Variants in QTMAN observed in about 807,000 individuals in gnomAD.
QTMAN encodes the protein tRNA-queuosine alpha-mannosyltransferase.
chr2:144,021,760 G>T, the QTMAN span, among the ~76,000 whole-genome samples: 1 of 152,176 alleles, frequency 6.6e-6, no homozygotes, highest in Non-Finnish European at 1.5e-5. Context: ...AGAACACAAT[G>T]AGGCTCAGCA....
chr2:144,308,974 A>G, the QTMAN span, among the ~76,000 whole-genome samples: 1 of 152,218 alleles, frequency 6.6e-6, no homozygotes. Context: ...TTCATCAGCT[A>G]TTTCACAAAA....
chr2:144,191,482 G>T, the QTMAN span, among the ~76,000 whole-genome samples: 2 of 152,026 alleles, frequency 1.3e-5, no homozygotes, highest in East Asian at 3.8e-4. Context: ...TTAGAAAATC[G>T]CCTATCATTG....
the QTMAN span, among the ~76,000 whole-genome samples, chr2:144,269,304 C>T: frequency 1.3e-5 from 2 of 152,104 alleles, no homozygotes; most frequent in Non-Finnish European, 2.9e-5. Context: ...GAGTAAAACT[C>T]CCCCAAGAAT....
At chr2:144,305,387 C>T in the QTMAN span, among the ~76,000 whole-genome samples, 1 of 152,172 alleles carries the variant, frequency 6.6e-6, no homozygotes, top group African/African-American at 2.4e-5. Context: ...TGTCATGACA[C>T]CCTTTAAAAA....
the QTMAN span, among the ~76,000 whole-genome samples, chr2:144,019,487 T>TGTGTGTGTGTGTGTGTG: frequency 6.7e-6 from 1 of 148,924 alleles, no homozygotes; most frequent in African/African-American, 2.5e-5. Context: ...TGTGTGTATG[T>TGTGTGTGTGTGTGTGTG]AGTTTTAGAC....
At chr2:144,160,643 A>G in the QTMAN span, among the ~76,000 whole-genome samples, 6 of 152,280 alleles carry the variant, frequency 3.9e-5, no homozygotes, top group Non-Finnish European at 7.4e-5. Flanking sequence ...TGATCATTCA[A>G]TACCTCAGTA....
the QTMAN span, among the ~76,000 whole-genome samples, chr2:144,246,062 T>C: frequency 6.6e-6 from 1 of 152,132 alleles, no homozygotes; most frequent in Non-Finnish European, 1.5e-5. Context: ...GACCTAATTA[T>C]GTCACTTCCT....
At chr2:144,037,211 T>C in the QTMAN span, among the ~76,000 whole-genome samples, 2 of 152,174 alleles carry the variant, frequency 1.3e-5, no homozygotes, top group African/African-American at 2.4e-5. Context: ...TAGAACTAAA[T>C]AGAAATAGTG....
At chr2:144,176,915 C>G in the QTMAN span, among the ~76,000 whole-genome samples, 1 of 152,110 alleles carries the variant, frequency 6.6e-6, no homozygotes, top group African/African-American at 2.4e-5. Context: ...ACAGGCTATA[C>G]AGGAAGCATG....
the QTMAN span, among the ~76,000 whole-genome samples, chr2:144,126,678 C>T: frequency 3.3e-5 from 5 of 151,932 alleles, no homozygotes; most frequent in Non-Finnish European, 7.4e-5. Flanking sequence ...TGAGGACCAG[C>T]TGTATGTTGT....
the QTMAN span, among the ~76,000 whole-genome samples, chr2:144,301,420 G>A: frequency 9.9e-5 from 15 of 152,152 alleles, no homozygotes; most frequent in East Asian, 7.7e-4. Context: ...ACAGAGTTTC[G>A]CCTAGTTGGC....
the QTMAN span, among the ~76,000 whole-genome samples, chr2:144,242,192 A>AT: frequency 6.6e-6 from 1 of 152,210 alleles, no homozygotes; most frequent in Non-Finnish European, 1.5e-5. Context: ...TTAGTACAGT[A>AT]AAAGTATAAA....
At chr2:144,178,901 C>A in the QTMAN span, 1 of 453,712 alleles carries the variant, frequency 2.2e-6, no homozygotes, top group East Asian at 7.4e-5. Flanking sequence ...CTGCTTCATA[C>A]CAAAAGGTTA....
At chr2:144,020,960 T>C in the QTMAN span, among the ~76,000 whole-genome samples, 4 of 140,746 alleles carry the variant, frequency 2.8e-5, no homozygotes, top group Middle Eastern at 7.7e-3. Flanking sequence ...GTGGAGAAAA[T>C]CTTGTAGAAA....
chr2:144,177,076 G>A, the QTMAN span: 3 of 558,974 alleles, frequency 5.4e-6, no homozygotes, highest in African/African-American at 5.1e-5. Flanking sequence ...TCTATCACAA[G>A]GACAGCACCA....
chr2:144,018,889 G>C, the QTMAN span, among the ~76,000 whole-genome samples: 1 of 152,220 alleles, frequency 6.6e-6, no homozygotes. Context: ...AGGCTCTCTA[G>C]AGAAGCTGAT....
At chr2:143,992,909 T>C in the QTMAN span, among the ~76,000 whole-genome samples, 5 of 152,166 alleles carry the variant, frequency 3.3e-5, no homozygotes, top group African/African-American at 1.2e-4. Flanking sequence ...TCAAGAATAG[T>C]AATGATTTCC....
chr2:144,114,424 G>A, the QTMAN span, among the ~76,000 whole-genome samples: 16 of 152,130 alleles, frequency 1.1e-4, no homozygotes, highest in African/African-American at 2.7e-4. Context: ...ACCTACTGGC[G>A]ATTTAGTGAT....
chr2:144,196,070 TA>T, the QTMAN span, among the ~76,000 whole-genome samples: 1 of 152,188 alleles, frequency 6.6e-6, no homozygotes, highest in East Asian at 1.9e-4. Context: ...TTTTCTGTTT[TA>T]AAAAATTAAA....
Sources: gnomAD v4.1 joint callset for allele counts (sites outside exome capture counted in the v4.1 genomes callset) on GRCh38, gnomAD v4.1.1 for gene constraint, MANE v1.5 for transcripts, NCBI Gene and HGNC (gene_info 2026-07-23, HGNC 2026-07-21) for gene names.